Variants in FERMT2 observed in about 807,000 individuals in gnomAD.
FERMT2 encodes FERM domain containing kindlin 2.
In FERMT2, 15 loss-of-function variants were observed where a neutral mutation model predicts 82.7. That is an observed-to-expected ratio of 0.18 (90% CI 0.12 to 0.28). The LOEUF (loss-of-function observed/expected upper bound fraction) is 0.28, where lower values mean the gene tolerates loss of function less well. Ranked by LOEUF, FERMT2 falls within the 10% of genes least tolerant of loss-of-function variation. The pLI, the probability that FERMT2 is intolerant of heterozygous loss-of-function variation, is 1.00. For missense variants in FERMT2, 645 were observed against 809.4 expected (o/e 0.80, Z 2.46); for synonymous variants, 274 against 271.5 (o/e 1.01, Z -0.09).
At chr14:52,881,177 A>AT in intron 5 of FERMT2, 39 bp from the exon 6 acceptor site, 3 of 1,591,690 alleles carry the variant, frequency 1.9e-6, no homozygotes, top group Non-Finnish European at 2.6e-6. Flanking sequence ...ACAACACAGA[A>AT]TGAAGACAAT....
At chr14:52,870,248 C>CTTT (rs1185198814) in intron 10 of FERMT2, among the ~76,000 whole-genome samples, 5 of 138,824 alleles carry the variant, frequency 3.6e-5, no homozygotes, top group Admixed American at 7.3e-5. Context: ...TACAAGTGTA[C>CTTT]TTTTTTTTTT....
chr14:52,902,364 G>C (rs1887702931), intron 3 of FERMT2, among the ~76,000 whole-genome samples: 1 of 150,694 alleles, frequency 6.6e-6, no homozygotes, highest in African/African-American at 2.4e-5. Context: ...TTGCACTTCA[G>C]CTTGGGCGAC....
At chr14:52,859,488 T>G (rs985725188) in intron 14 of FERMT2, 85 bp downstream of exon 14, 3 of 1,221,586 alleles carry the variant, frequency 2.5e-6, no homozygotes, top group African/African-American at 1.5e-5. Context: ...CAAATAATCA[T>G]CAGAATTTAT....
intron 4 of FERMT2, among the ~76,000 whole-genome samples, chr14:52,883,374 T>C (rs1886401020): frequency 6.6e-6 from 1 of 152,204 alleles, no homozygotes. Context: ...CCCACACTTA[T>C]TAAATGTGCT....
At chr14:52,936,773 A>G (rs886235400) in intron 2 of FERMT2, among the ~76,000 whole-genome samples, 1 of 152,070 alleles carries the variant, frequency 6.6e-6, no homozygotes, top group Non-Finnish European at 1.5e-5. Flanking sequence ...ATCCTATCCT[A>G]TATGCTAGGT....
chr14:52,893,185 C>A lies in FERMT2; in HGVS notation c.526+108G>T. The A allele has an allele frequency of 2.8e-6, 3 of 1,064,958 alleles. No individual in the cohort carries two copies. In the South Asian group the frequency reaches 7.1e-5, roughly 25 times the overall value. 66.0% of individuals were successfully genotyped at this position (1,064,958 alleles called of 1,614,324 possible). A position where few individuals can be genotyped will look rare whatever the true frequency, so the allele number is the denominator to read the frequency against. The stretch of plus-strand genomic sequence containing the variant: ...CTAATTGAAGTTTTTGTTTTTTTAA[C>A]TTGACCACTCTTCCTGACCTACATG... On this transcript the variant is annotated intron_variant, in intron 4 of 14. Transcript: ENST00000341590.
intron 14 of FERMT2, chr14:52,858,757 T>C: frequency 2.1e-6 from 1 of 485,764 alleles, no homozygotes; most frequent in Non-Finnish European, 3.7e-6. Flanking sequence ...CTTTAAGTTT[T>C]CATGTTCTGA....
At chr14:52,938,705 C>T (rs12433388) in intron 2 of FERMT2, among the ~76,000 whole-genome samples, 70,567 of 151,836 alleles carry the variant, frequency 0.46, 16,633 homozygotes, top group Admixed American at 0.52. Context: ...TAACTGAGAC[C>T]ATAGGCATGA....
chr14:52,875,392 A>G (rs767685664), intron 7 of FERMT2, 35 bp from the exon 8 acceptor site: 11 of 1,466,870 alleles, frequency 7.5e-6, no homozygotes, highest in African/African-American at 1.4e-5. Context: ...AATAATTGCT[A>G]TAACTGTAAA....
intron 2 of FERMT2, among the ~76,000 whole-genome samples, chr14:52,941,978 G>A (rs1325767867): frequency 2.0e-5 from 3 of 152,084 alleles, no homozygotes; most frequent in Non-Finnish European, 4.4e-5. Flanking sequence ...TTTGGAAGTT[G>A]GCGGGAAAGT....
intron 1 of FERMT2, 74 bp downstream of exon 1, chr14:52,950,845 GAC>G (rs1890602673): frequency 1.4e-5 from 4 of 294,444 alleles, no homozygotes; most frequent in Non-Finnish European, 2.5e-5. Context: ...CCGGCCCCGA[GAC>G]ACAGCGCGGG....
intron 2 of FERMT2, among the ~76,000 whole-genome samples, chr14:52,947,127 C>T (rs756389022): frequency 1.3e-5 from 2 of 152,288 alleles, no homozygotes; most frequent in South Asian, 4.1e-4. Context: ...ATGACATATG[C>T]TTTTGCTTTC....
chr14:52,905,200 A>AG (rs1364700045), intron 3 of FERMT2, among the ~76,000 whole-genome samples: 2 of 151,754 alleles, frequency 1.3e-5, no homozygotes, highest in Non-Finnish European at 2.9e-5. Context: ...AAAAAAAAAA[A>AG]AAAGAAAGAG....
intron 4 of FERMT2, among the ~76,000 whole-genome samples, chr14:52,889,484 T>C (rs1444784831): frequency 1.3e-5 from 2 of 152,136 alleles, no homozygotes; most frequent in Non-Finnish European, 2.9e-5. Flanking sequence ...TTGGTAAGGA[T>C]GCTCTGCTTG....
intron 13 of FERMT2, chr14:52,860,055 G>A (rs1321148578): frequency 3.2e-6 from 1 of 310,924 alleles, no homozygotes; most frequent in Non-Finnish European, 5.9e-6. Flanking sequence ...CTGACCTCGT[G>A]ATCCACCCAC....
chr14:52,859,079 A>G (rs1884742733), intron 14 of FERMT2: 1 of 157,040 alleles, frequency 6.4e-6, no homozygotes, highest in African/African-American at 2.4e-5. Context: ...CATGATGTAC[A>G]GTGGTAAATG....
At chr14:52,949,724 C>T (rs938563102) in intron 2 of FERMT2, among the ~76,000 whole-genome samples, 1 of 152,148 alleles carries the variant, frequency 6.6e-6, no homozygotes, top group South Asian at 2.1e-4. Flanking sequence ...AAGCAAACAC[C>T]GTCAACCTCA....
At position 52,883,777 on chromosome 14, in the gene FERMT2, C is replaced by A. The variant is rs189528732; in HGVS notation, c.527-2308G>T. On this transcript the variant is annotated intron_variant, in intron 4 of 14. Coordinates refer to ENST00000341590, the MANE Select transcript of FERMT2 (RefSeq NM_006832.3). ...AGTTCTCATAATGGTTTTGCACCAT[C>A]CCCGCTTGGTACTGTATAGTCAGTG... 2.3e-3 allele frequency among the ~76,000 whole-genome samples: 345 copies of A among 152,262 alleles called. 1 individual carries two copies. Among genetic ancestry groups the A allele is most frequent in the Admixed American group, 3.4e-3 (52 of 15,308 alleles).
At chr14:52,902,598 G>A in intron 3 of FERMT2, among the ~76,000 whole-genome samples, 1 of 151,536 alleles carries the variant, frequency 6.6e-6, no homozygotes, top group East Asian at 1.9e-4. Context: ...GCCAGACACA[G>A]TGTCTCATGC....
Sources: allele counts gnomAD v4.1 joint callset (sites outside exome capture counted in the v4.1 genomes callset), GRCh38; gene constraint gnomAD v4.1.1; transcripts MANE v1.5; gene names NCBI Gene and HGNC (gene_info 2026-07-23, HGNC 2026-07-21).